ANTXR1: variants seen among roughly 807,000 people sequenced by gnomAD.
ANTXR1 encodes anthrax toxin receptor 1.
ANTXR1 carries 19 observed loss-of-function variants against 78.1 expected under a neutral mutation model. The ratio of observed to expected loss-of-function variants is 0.24; its 90% CI spans 0.17 to 0.36. The LOEUF (loss-of-function observed/expected upper bound fraction) is 0.36. Among genes scored for constraint, ANTXR1 ranks in the 10% least tolerant of loss-of-function variants. ANTXR1 has a pLI of 1.00. For synonymous variants in ANTXR1, 273 were observed against 260.5 expected (o/e 1.05, Z -0.46); for missense variants, 518 against 718.6 (o/e 0.72, Z 3.19).
At position 69,178,769 on chromosome 2, in the gene ANTXR1, G is replaced by A. The variant is rs531072693; in HGVS notation, c.1090-3017G>A. Among the ~76,000 whole-genome samples, 10 of 152,292 alleles carry A rather than the reference G, an allele frequency of 6.6e-5. No homozygotes were observed. The South Asian group carries it at 1.9e-3, about 28-fold the overall frequency. On this transcript the variant is annotated intron_variant, in intron 14 of 17. Coordinates refer to ENST00000303714, the MANE Select transcript of ANTXR1 (RefSeq NM_032208.3). The stretch of plus-strand genomic sequence containing the variant: ...TAGGGGGAGAAAAACCCCTGGACAA[G>A]GCATCAGAAAACCACACCAGAACTT...
At chr2:69,212,900 G>A (rs1252155921) in intron 17 of ANTXR1, among the ~76,000 whole-genome samples, 6 of 150,704 alleles carry the variant, frequency 4.0e-5, no homozygotes, top group African/African-American at 9.8e-5. Flanking sequence ...TCAAATTCCT[G>A]AGCTCAAGTG....
At chr2:69,188,975 C>T (rs1157109381) in intron 16 of ANTXR1, among the ~76,000 whole-genome samples, 5 of 152,232 alleles carry the variant, frequency 3.3e-5, no homozygotes, top group Non-Finnish European at 5.9e-5. Context: ...TCATGCAGTG[C>T]TCATTGAATT....
At chr2:69,115,731 GA>G (rs762800792) in intron 10 of ANTXR1, among the ~76,000 whole-genome samples, 29 of 152,234 alleles carry the variant, frequency 1.9e-4, no homozygotes, top group Non-Finnish European at 3.7e-4. Context: ...AACTTACCTG[GA>G]ATGTGTTGGC....
At chr2:69,201,195 C>T (rs959466162) in intron 17 of ANTXR1, among the ~76,000 whole-genome samples, 3 of 152,128 alleles carry the variant, frequency 2.0e-5, no homozygotes, top group African/African-American at 4.8e-5. Context: ...GGAGCTATAC[C>T]CAGGAAAGGC....
chr2:69,136,856 T>C (rs1672920724), intron 12 of ANTXR1, among the ~76,000 whole-genome samples: 1 of 151,940 alleles, frequency 6.6e-6, no homozygotes, highest in South Asian at 2.1e-4. Context: ...AAAAGAGAAA[T>C]AGACATGTAT....
chr2:69,180,994 G>C (rs78939973), intron 14 of ANTXR1, among the ~76,000 whole-genome samples: 4,569 of 152,282 alleles, frequency 0.03, 246 homozygotes, highest in African/African-American at 0.11. Flanking sequence ...ATTTGAGAGA[G>C]GGCAGGCAGG....
At chr2:69,163,780 G>A (rs1014422038) in intron 13 of ANTXR1, among the ~76,000 whole-genome samples, 1 of 152,140 alleles carries the variant, frequency 6.6e-6, no homozygotes, top group African/African-American at 2.4e-5. Flanking sequence ...TTCCTCCCCA[G>A]GTCACTACTG....
intron 2 of ANTXR1, among the ~76,000 whole-genome samples, chr2:69,040,549 AACCCTC>A (rs1255572124): frequency 2.6e-5 from 4 of 152,164 alleles, no homozygotes; most frequent in African/African-American, 4.8e-5. Flanking sequence ...TCCTAAGGGG[AACCCTC>A]CTTAGTCCTG....
At chr2:69,132,679 G>A (rs73934745) in intron 12 of ANTXR1, among the ~76,000 whole-genome samples, 1,903 of 152,322 alleles carry the variant, frequency 0.012, 35 homozygotes, top group African/African-American at 0.042. Flanking sequence ...AATCAAGTGG[G>A]TAGCTGTCTT....
At chr2:69,165,138 A>G (rs11675849) in intron 13 of ANTXR1, among the ~76,000 whole-genome samples, 32,992 of 152,072 alleles carry the variant, frequency 0.22, 5,310 homozygotes, top group East Asian at 0.49. Flanking sequence ...GAAGCCCTCC[A>G]GGTGATTCTG....
At chr2:69,098,648 A>G (rs1431026619) in intron 9 of ANTXR1, among the ~76,000 whole-genome samples, 38 of 152,154 alleles carry the variant, frequency 2.5e-4, no homozygotes, top group Non-Finnish European at 1.5e-5. Flanking sequence ...TTCTTTTTTT[A>G]AATTGAGCTA....
At chr2:69,194,986 A>G (rs1162396613) in intron 17 of ANTXR1, among the ~76,000 whole-genome samples, 1 of 151,932 alleles carries the variant, frequency 6.6e-6, no homozygotes, top group African/African-American at 2.4e-5. Context: ...TGGCCAACAT[A>G]GTGAAATCCT....
chr2:69,177,469 A>G (rs991226452), intron 14 of ANTXR1, among the ~76,000 whole-genome samples: 1 of 152,214 alleles, frequency 6.6e-6, no homozygotes, highest in Admixed American at 6.5e-5. Context: ...CTGCCTGAGG[A>G]CACGCAGGTC....
intron 12 of ANTXR1, among the ~76,000 whole-genome samples, chr2:69,148,791 G>A (rs1673307397): frequency 6.6e-6 from 1 of 152,184 alleles, no homozygotes; most frequent in African/African-American, 2.4e-5. Context: ...AAAAGGTACA[G>A]GATATACAGC....
intron 3 of ANTXR1, among the ~76,000 whole-genome samples, chr2:69,070,269 G>T (rs1670527635): frequency 6.6e-6 from 1 of 152,142 alleles, no homozygotes; most frequent in Non-Finnish European, 1.5e-5. Context: ...CTGGGTTCTT[G>T]GTTCTCACCT....
At chr2:69,158,296 T>G (rs912497635) in intron 13 of ANTXR1, among the ~76,000 whole-genome samples, 1 of 152,224 alleles carries the variant, frequency 6.6e-6, no homozygotes, top group African/African-American at 2.4e-5. Flanking sequence ...TTTGCTCATA[T>G]TATTTCCTCT....
intron 8 of ANTXR1, among the ~76,000 whole-genome samples, chr2:69,086,382 T>C (rs116057195): frequency 0.031 from 4,689 of 152,316 alleles, 230 homozygotes; most frequent in African/African-American, 0.11. Context: ...TCACTTTAAA[T>C]ATATCAAACA....
intron 3 of ANTXR1, among the ~76,000 whole-genome samples, chr2:69,065,222 G>A (rs563703430): frequency 5.9e-5 from 9 of 152,068 alleles, no homozygotes; most frequent in African/African-American, 2.2e-4. Flanking sequence ...TCAGGAGATC[G>A]AGACCATCCT....
rs557475491 is a variant in ANTXR1, at chr2:69,222,040, G to A, written c.1435-23185G>A. Reference sequence around the variant, plus strand: ...CCTGAGTGAGGAGGTGTGAGTGACTGGTCACACCAGGACACAGTGGTTCTC... The same window carrying A: ...CCTGAGTGAGGAGGTGTGAGTGACTAGTCACACCAGGACACAGTGGTTCTC... On this transcript the variant is annotated intron_variant, in intron 17 of 17. Coordinates refer to ENST00000303714, the MANE Select transcript of ANTXR1 (RefSeq NM_032208.3). Among the ~76,000 whole-genome samples the A allele has an allele frequency of 2.2e-4, 33 of 152,228 alleles. No individual in the cohort carries two copies. The South Asian group carries it at 6.6e-3, about 31-fold the overall frequency.
Sources: allele counts gnomAD v4.1 joint callset (sites outside exome capture counted in the v4.1 genomes callset), GRCh38; gene constraint gnomAD v4.1.1; transcripts MANE v1.5; gene names NCBI Gene and HGNC (gene_info 2026-07-23, HGNC 2026-07-21).